Variants in RNF169 observed in about 807,000 individuals in gnomAD.
The protein encoded by RNF169 is E3 ubiquitin-protein ligase RNF169.
A neutral mutation model predicts 53.9 loss-of-function variants in RNF169; 24 were observed. That is an observed-to-expected ratio of 0.45 (90% CI 0.32 to 0.63). RNF169 has a LOEUF of 0.63. Ranked by LOEUF, RNF169 falls within the 20% of genes least tolerant of loss-of-function variation. The pLI is 0.04. For synonymous variants in RNF169, 396 were observed against 363.5 expected (o/e 1.09, Z -1.02); for missense variants, 883 against 906.2 (o/e 0.97, Z 0.33).
At chr11:74,789,526 G>T in intron 1 of RNF169, 100 bp from the exon 2 acceptor site, 1 of 698,384 alleles carries the variant, frequency 1.4e-6, no homozygotes, top group South Asian at 1.8e-5. Context: ...TCTTAGCTTT[G>T]ATTTTTATCA....
At chr11:74,823,662 A>G (rs1279121483) in intron 4 of RNF169, among the ~76,000 whole-genome samples, 1 of 150,666 alleles carries the variant, frequency 6.6e-6, no homozygotes, top group Non-Finnish European at 1.5e-5. Context: ...TCTTGAGCCC[A>G]GGAGATAGAG....
intron 1 of RNF169, among the ~76,000 whole-genome samples, chr11:74,783,557 G>A (rs888873147): frequency 1.3e-4 from 20 of 152,198 alleles, no homozygotes; most frequent in African/African-American, 4.8e-4. Context: ...TGAGGTGAAG[G>A]AAGGGTGAGT....
intron 3 of RNF169, among the ~76,000 whole-genome samples, chr11:74,811,993 T>G (rs544233599): frequency 1.3e-5 from 2 of 152,222 alleles, no homozygotes; most frequent in Non-Finnish European, 2.9e-5. Context: ...CTAGCCTTGA[T>G]AGAGAGAGCT....
intron 2 of RNF169, among the ~76,000 whole-genome samples, chr11:74,805,515 CTT>C (rs2035790481): frequency 6.6e-6 from 1 of 151,956 alleles, no homozygotes; most frequent in African/African-American, 2.4e-5. Context: ...TATATGTAGT[CTT>C]ATGATATAAA....
At chr11:74,803,185 A>C (rs2035758605) in intron 2 of RNF169, among the ~76,000 whole-genome samples, 1 of 151,556 alleles carries the variant, frequency 6.6e-6, no homozygotes, top group Non-Finnish European at 1.5e-5. Flanking sequence ...TCCTGGGTTC[A>C]TGCTATTCTC....
At chr11:74,767,731 G>A (rs1313100279) in intron 1 of RNF169, among the ~76,000 whole-genome samples, 1 of 151,642 alleles carries the variant, frequency 6.6e-6, no homozygotes, top group African/African-American at 2.4e-5. Flanking sequence ...CACCATACTT[G>A]GCTAATTTTT....
At chr11:74,784,625 G>A (rs1340333249) in intron 1 of RNF169, among the ~76,000 whole-genome samples, 1 of 152,198 alleles carries the variant, frequency 6.6e-6, no homozygotes, top group Non-Finnish European at 1.5e-5. Flanking sequence ...AGTGATTGGG[G>A]TTTATATTAG....
intron 1 of RNF169, among the ~76,000 whole-genome samples, chr11:74,785,984 AG>A (rs2135075345): frequency 7.3e-6 from 1 of 136,866 alleles, no homozygotes; most frequent in African/African-American, 2.8e-5. Flanking sequence ...TTCTGTCCCC[AG>A]GCTGGAGTGC....
intron 2 of RNF169, among the ~76,000 whole-genome samples, chr11:74,809,888 C>T (rs951385710): frequency 6.6e-6 from 1 of 152,146 alleles, no homozygotes; most frequent in Non-Finnish European, 1.5e-5. Context: ...CAGGCTTAGC[C>T]CTTTTTGGCT....
intron 2 of RNF169, among the ~76,000 whole-genome samples, chr11:74,804,256 A>G (rs1459833435): frequency 6.6e-6 from 1 of 152,188 alleles, no homozygotes; most frequent in Non-Finnish European, 1.5e-5. Flanking sequence ...TTCCCATCTT[A>G]TGCCCGGAGC....
At chr11:74,763,701 A>G (rs2035126535) in intron 1 of RNF169, among the ~76,000 whole-genome samples, 1 of 152,224 alleles carries the variant, frequency 6.6e-6, no homozygotes, top group African/African-American at 2.4e-5. Flanking sequence ...ACAAATCAAG[A>G]AGATCCAACA....
At chr11:74,833,118 T>C (rs1454073919) in intron 4 of RNF169, among the ~76,000 whole-genome samples, 2 of 152,088 alleles carry the variant, frequency 1.3e-5, no homozygotes, top group East Asian at 1.9e-4. Flanking sequence ...CCATAAGATA[T>C]AGGATGGGAG....
At chr11:74,763,847 G>T (rs2035129273) in intron 1 of RNF169, among the ~76,000 whole-genome samples, 1 of 152,148 alleles carries the variant, frequency 6.6e-6, no homozygotes, top group Non-Finnish European at 1.5e-5. Flanking sequence ...CTAGCAAGAG[G>T]TTTTTTGTTT....
At chr11:74,807,060 A>G (rs1001502307) in intron 2 of RNF169, among the ~76,000 whole-genome samples, 1 of 152,188 alleles carries the variant, frequency 6.6e-6, no homozygotes, top group Admixed American at 6.5e-5. Flanking sequence ...ACTTTTCTCT[A>G]GTAATTAGCA....
chr11:74,798,242 C>T (rs957476267), intron 2 of RNF169, among the ~76,000 whole-genome samples: 3 of 152,208 alleles, frequency 2.0e-5, no homozygotes, highest in African/African-American at 7.2e-5. Flanking sequence ...AGTCATATTT[C>T]TCTTCTTTCA....
intron 3 of RNF169, among the ~76,000 whole-genome samples, chr11:74,814,897 C>A (rs1418041218): frequency 1.3e-5 from 2 of 152,038 alleles, no homozygotes; most frequent in African/African-American, 2.4e-5. Context: ...AAAGAGTGTT[C>A]TTTTTAACAT....
intron 1 of RNF169, among the ~76,000 whole-genome samples, chr11:74,775,772 A>G (rs1425015980): frequency 6.6e-6 from 1 of 152,136 alleles, no homozygotes; most frequent in Non-Finnish European, 1.5e-5. Context: ...CCACCATTTG[A>G]TCATGTGAAT....
intron 2 of RNF169, among the ~76,000 whole-genome samples, chr11:74,806,042 C>CACATATAT (rs1445331787): frequency 6.6e-6 from 1 of 151,968 alleles, no homozygotes; most frequent in Non-Finnish European, 1.5e-5. Context: ...TATACACACA[C>CACATATAT]ACGTACATAC....
At chr11:74,768,173 A>G (rs1298732596) in intron 1 of RNF169, among the ~76,000 whole-genome samples, 1 of 152,252 alleles carries the variant, frequency 6.6e-6, no homozygotes, top group African/African-American at 2.4e-5. Context: ...AAGAGCATAG[A>G]AACATGCCCT....
Sources: gnomAD v4.1 joint callset for allele counts (sites outside exome capture counted in the v4.1 genomes callset) on GRCh38, gnomAD v4.1.1 for gene constraint, MANE v1.5 for transcripts, NCBI Gene and HGNC (gene_info 2026-07-23, HGNC 2026-07-21) for gene names.